DAB1: variants seen among roughly 807,000 people sequenced by gnomAD.
DAB1 encodes DAB adaptor protein 1.
DAB1 carries 15 observed loss-of-function variants against 64.6 expected under a neutral mutation model. That is an observed-to-expected ratio of 0.23 (90% CI 0.16 to 0.36). The LOEUF (loss-of-function observed/expected upper bound fraction) is 0.36. DAB1 is among the 10% of genes least tolerant of loss of function. The probability of loss-of-function intolerance (pLI) is 1.00; values close to 1 mark genes in which losing one functional copy is unlikely to be tolerated. For missense variants in DAB1, 596 were observed against 706.7 expected (o/e 0.84, Z 1.78); for synonymous variants, 235 against 251.9 (o/e 0.93, Z 0.64).
intron 4 of DAB1, among the ~76,000 whole-genome samples, chr1:57,085,678 T>C (rs894635360): frequency 1.3e-5 from 2 of 152,210 alleles, no homozygotes; most frequent in Non-Finnish European, 2.9e-5. Flanking sequence ...TGTGTATAAT[T>C]ACCTGGCTAA....
At chr1:58,083,554 T>C (rs1650127717) in intron 5 of DAB1, among the ~76,000 whole-genome samples, 1 of 152,244 alleles carries the variant, frequency 6.6e-6, no homozygotes, top group Non-Finnish European at 1.5e-5. Flanking sequence ...TGAATTTAGT[T>C]ATGTGAATGT....
intron 7 of DAB1, among the ~76,000 whole-genome samples, chr1:57,474,841 CA>C (rs1643914752): frequency 6.6e-6 from 1 of 152,044 alleles, no homozygotes; most frequent in Non-Finnish European, 1.5e-5. Context: ...ATAGTGATGT[CA>C]AGTGCTCTAA....
At chr1:57,193,998 T>C (rs1664399778) in intron 2 of DAB1, among the ~76,000 whole-genome samples, 1 of 152,200 alleles carries the variant, frequency 6.6e-6, no homozygotes, top group Non-Finnish European at 1.5e-5. Flanking sequence ...GAACAGAATT[T>C]GGTGTTATGG....
At chr1:57,914,185 G>T (rs1319021795) in intron 5 of DAB1, among the ~76,000 whole-genome samples, 1 of 151,990 alleles carries the variant, frequency 6.6e-6, no homozygotes, top group Non-Finnish European at 1.5e-5. Flanking sequence ...GCAAAGACTT[G>T]GAACCAACCC....
At chr1:57,701,195 C>A (rs1646903613) in intron 6 of DAB1, among the ~76,000 whole-genome samples, 1 of 151,974 alleles carries the variant, frequency 6.6e-6, no homozygotes, top group Non-Finnish European at 1.5e-5. Flanking sequence ...CCAGCCATCC[C>A]ATTACTGGGT....
intron 1 of DAB1, among the ~76,000 whole-genome samples, chr1:57,320,374 GTTTA>G (rs1028421456): frequency 1.3e-5 from 2 of 152,100 alleles, no homozygotes; most frequent in African/African-American, 4.8e-5. Flanking sequence ...CAGATTTTTT[GTTTA>G]TGTTCACTAA....
chr1:58,119,158 A>G (rs962239295), intron 5 of DAB1, among the ~76,000 whole-genome samples: 1 of 152,110 alleles, frequency 6.6e-6, no homozygotes, highest in Non-Finnish European at 1.5e-5. Flanking sequence ...ACAAATATTT[A>G]TCTGCAATCT....
chr1:57,391,583 A>G, intron 1 of DAB1, among the ~76,000 whole-genome samples: 1 of 152,170 alleles, frequency 6.6e-6, no homozygotes, highest in East Asian at 1.9e-4. Flanking sequence ...AACAACCAAC[A>G]TTTACTGAAC....
chr1:58,280,618 G>A (rs959304263), intron 4 of DAB1, among the ~76,000 whole-genome samples: 9 of 152,190 alleles, frequency 5.9e-5, no homozygotes, highest in Admixed American at 5.9e-4. Context: ...GAGAGATTCA[G>A]AATTTCTAAA....
At chr1:57,667,939 A>T (rs1345688936) in intron 6 of DAB1, among the ~76,000 whole-genome samples, 5 of 151,816 alleles carry the variant, frequency 3.3e-5, no homozygotes, top group African/African-American at 1.2e-4. Context: ...GGGGCTTAAA[A>T]CCTAGATGAT....
chr1:58,169,833 T>G (rs1055800554), intron 4 of DAB1, among the ~76,000 whole-genome samples: 2 of 152,092 alleles, frequency 1.3e-5, no homozygotes, highest in Non-Finnish European at 2.9e-5. Flanking sequence ...ATCGGTTATG[T>G]CCCCTTCAAG....
At chr1:58,499,477 T>TAGATAGATAG (rs1553122687) in intron 3 of DAB1, among the ~76,000 whole-genome samples, 10 of 143,662 alleles carry the variant, frequency 7.0e-5, no homozygotes, top group Admixed American at 2.1e-4. Flanking sequence ...AAAGCCAGAC[T>TAGATAGATAG]ATAGATAGAT....
chr1:58,275,939 A>T (rs906794354), intron 4 of DAB1, among the ~76,000 whole-genome samples: 3 of 152,228 alleles, frequency 2.0e-5, no homozygotes, highest in Non-Finnish European at 4.4e-5. Context: ...CTAACAACAG[A>T]TAACAAAATG....
intron 4 of DAB1, among the ~76,000 whole-genome samples, chr1:58,315,836 A>T (rs1001663919): frequency 6.6e-6 from 1 of 152,210 alleles, no homozygotes; most frequent in African/African-American, 2.4e-5. Flanking sequence ...CTTGTACTCA[A>T]GATGCTAAGA....
chr1:58,496,338 TTATC>T (rs1645801802), intron 3 of DAB1, among the ~76,000 whole-genome samples: 1 of 152,174 alleles, frequency 6.6e-6, no homozygotes, highest in Non-Finnish European at 1.5e-5. Context: ...TGAAATGGAT[TTATC>T]TTACATTTGT....
At chr1:57,713,085 T>A (rs542652828) in intron 6 of DAB1, among the ~76,000 whole-genome samples, 1 of 152,334 alleles carries the variant, frequency 6.6e-6, no homozygotes, top group South Asian at 2.1e-4. Flanking sequence ...CATGTTTCCA[T>A]CACTGGTACA....
At chr1:57,644,151 G>A (rs1424850711) in intron 7 of DAB1, among the ~76,000 whole-genome samples, 1 of 152,130 alleles carries the variant, frequency 6.6e-6, no homozygotes, top group Non-Finnish European at 1.5e-5. Context: ...GGTCAGAAAA[G>A]CCTCTCTAGC....
intron 4 of DAB1, among the ~76,000 whole-genome samples, chr1:58,220,280 A>T (rs1570500975): frequency 6.6e-6 from 1 of 152,320 alleles, no homozygotes; most frequent in East Asian, 1.9e-4. Flanking sequence ...CTGAAGATTT[A>T]AAAAAATAAC....
intron 3 of DAB1, among the ~76,000 whole-genome samples, chr1:58,350,632 T>C (rs368459316): frequency 1.3e-5 from 2 of 152,204 alleles, no homozygotes; most frequent in East Asian, 1.9e-4. Context: ...AGTTAATTTT[T>C]GTATAAGGTG....
Sources: gnomAD v4.1 joint callset for allele counts (sites outside exome capture counted in the v4.1 genomes callset) on GRCh38, gnomAD v4.1.1 for gene constraint, MANE v1.5 for transcripts, NCBI Gene and HGNC (gene_info 2026-07-23, HGNC 2026-07-21) for gene names.